SDCCAG8: variants seen among roughly 807,000 people sequenced by gnomAD.
The protein encoded by SDCCAG8 is serologically defined colon cancer antigen 8.
Under a neutral mutation model 101.8 loss-of-function variants are expected in SDCCAG8, and 74 were observed. The ratio of observed to expected loss-of-function variants is 0.73; its 90% confidence interval spans 0.60 to 0.88. The LOEUF is 0.88. Ranked by LOEUF, SDCCAG8 falls within the 40% of genes least tolerant of loss-of-function variation. The pLI is 0.00. For synonymous variants in SDCCAG8, 281 were observed against 292.9 expected, an observed-to-expected ratio of 0.96 and a Z score of 0.41; for missense variants, 787 against 822.6, an observed-to-expected ratio of 0.96 and a Z score of 0.53.
chr1:243,445,709 A>C (rs1409898183), intron 16 of SDCCAG8, among the ~76,000 whole-genome samples: 2 of 152,228 alleles, frequency 1.3e-5, no homozygotes, highest in East Asian at 1.9e-4. Flanking sequence ...CTAAGTGAGG[A>C]CATAAAGACA....
At chr1:243,294,482 G>GGGAGAGAGAGAGAGAGAAAGAGAGA (rs1259035129) in intron 6 of SDCCAG8, among the ~76,000 whole-genome samples, 31 of 99,898 alleles carry the variant, frequency 3.1e-4, no homozygotes, top group East Asian at 5.4e-4. Flanking sequence ...GTGGGGGGGG[G>GGGAGAGAGAGAGAGAGAAAGAGAGA]GAGAGAGAGA....
intron 12 of SDCCAG8, among the ~76,000 whole-genome samples, chr1:243,364,724 T>C (rs1214578950): frequency 2.0e-5 from 3 of 152,054 alleles, no homozygotes; most frequent in Non-Finnish European, 4.4e-5. Flanking sequence ...ACATTTGAGG[T>C]TTTCTTGGTT....
chr1:243,424,505 A>G (rs2081217719), intron 15 of SDCCAG8, among the ~76,000 whole-genome samples: 1 of 152,098 alleles, frequency 6.6e-6, no homozygotes, highest in African/African-American at 2.4e-5. Flanking sequence ...GCATGTCAAA[A>G]TATTTTTCTA....
At chr1:243,256,447 GTT>G (rs570221723) in intron 1 of SDCCAG8, among the ~76,000 whole-genome samples, 46 of 152,350 alleles carry the variant, frequency 3.0e-4, no homozygotes, top group Admixed American at 5.9e-4. Context: ...GATTCCCGTA[GTT>G]ACCTCAATCA....
intron 16 of SDCCAG8, among the ~76,000 whole-genome samples, chr1:243,480,746 T>G (rs1574302841): frequency 1.5e-5 from 1 of 67,710 alleles, no homozygotes; most frequent in Non-Finnish European, 2.7e-5. Flanking sequence ...GGGGGATGGA[T>G]GGATGGGGGA....
chr1:243,422,224 T>C (rs2081060967), intron 15 of SDCCAG8, among the ~76,000 whole-genome samples: 1 of 152,214 alleles, frequency 6.6e-6, no homozygotes, highest in Non-Finnish European at 1.5e-5. Context: ...ATTTGTGATT[T>C]GCGTTTTGTA....
At chr1:243,274,763 T>C (rs1004616887) in intron 4 of SDCCAG8, 107 bp downstream of exon 4, 2 of 679,802 alleles carry the variant, frequency 2.9e-6, no homozygotes, top group African/African-American at 1.8e-5. Flanking sequence ...AGCAATACAT[T>C]GACAATTGCT....
At chr1:243,373,285 G>A (rs2077411357) in intron 12 of SDCCAG8, among the ~76,000 whole-genome samples, 1 of 152,066 alleles carries the variant, frequency 6.6e-6, no homozygotes, top group African/African-American at 2.4e-5. Context: ...TCTTATATGT[G>A]TAAACAGAGA....
intron 4 of SDCCAG8, among the ~76,000 whole-genome samples, chr1:243,285,250 A>G (rs1346357140): frequency 1.3e-5 from 2 of 151,988 alleles, no homozygotes; most frequent in African/African-American, 2.4e-5. Context: ...TAGATTTTCT[A>G]CCTCCTACAG....
chr1:243,369,481 A>G (rs866757224), intron 12 of SDCCAG8, among the ~76,000 whole-genome samples: 1 of 152,130 alleles, frequency 6.6e-6, no homozygotes, highest in Non-Finnish European at 1.5e-5. Context: ...TCTTTCTGTT[A>G]CATGTTGCAA....
At chr1:243,400,186 A>G (rs554016811) in intron 13 of SDCCAG8, among the ~76,000 whole-genome samples, 1 of 152,308 alleles carries the variant, frequency 6.6e-6, no homozygotes, top group Admixed American at 6.5e-5. Flanking sequence ...CAGCGTTTTT[A>G]ATATGTTAGT....
intron 10 of SDCCAG8, 84 bp from the exon 11 acceptor site, chr1:243,340,955 C>G (rs993846180): frequency 7.2e-6 from 10 of 1,392,206 alleles, no homozygotes; most frequent in Non-Finnish European, 1.0e-5. Flanking sequence ...AGTGACTATG[C>G]TGAGACGCTA....
At chr1:243,368,654 A>G (rs1338313415) in intron 12 of SDCCAG8, among the ~76,000 whole-genome samples, 1 of 152,162 alleles carries the variant, frequency 6.6e-6, no homozygotes, top group Non-Finnish European at 1.5e-5. Flanking sequence ...TCTTTCCTAC[A>G]GATACAGTAA....
rs1661986738 is a variant in SDCCAG8, at chr1:243,474,573, C to T, written c.1986-14441C>T. Among the ~76,000 whole-genome samples the T allele has an allele frequency of 6.6e-6, 1 of 152,238 alleles. No homozygotes were observed. The highest frequency in any genetic ancestry group is 1.5e-5 in the Non-Finnish European group (1 of 68,030). ...GACCTGGCCGCCTAGGCCACCCTGC[C>T]CGGCGAGGGAGAGGGGTGTCTCCTG... On this transcript the variant is annotated intron_variant, in intron 16 of 17. Transcript: ENST00000366541. This position sits in a 1 kb window ranked among gnomAD's most constrained non-coding sequence, Gnocchi z 4.7.
chr1:243,408,832 T>A (rs975437390), intron 13 of SDCCAG8, among the ~76,000 whole-genome samples: 5 of 152,224 alleles, frequency 3.3e-5, no homozygotes, highest in African/African-American at 1.2e-4. Flanking sequence ...AAAGAATGCA[T>A]GTAAAGACCT....
At chr1:243,373,873 C>G (rs1485935738) in intron 12 of SDCCAG8, among the ~76,000 whole-genome samples, 1 of 151,988 alleles carries the variant, frequency 6.6e-6, no homozygotes, top group Non-Finnish European at 1.5e-5. Flanking sequence ...CTGCCTCATT[C>G]TTAAATATAA....
At chr1:243,274,985 C>T (rs1234693763) in intron 4 of SDCCAG8, among the ~76,000 whole-genome samples, 1 of 152,172 alleles carries the variant, frequency 6.6e-6, no homozygotes, top group Non-Finnish European at 1.5e-5. Flanking sequence ...ATACAAATAC[C>T]AATCATTCTC....
At chr1:243,268,492 A>C (rs1572861070) in intron 1 of SDCCAG8, among the ~76,000 whole-genome samples, 1 of 152,226 alleles carries the variant, frequency 6.6e-6, no homozygotes, top group African/African-American at 2.4e-5. Flanking sequence ...ATTCATTTCA[A>C]AGAAAGATCT....
At chr1:243,284,506 C>A (rs1357478397) in intron 4 of SDCCAG8, among the ~76,000 whole-genome samples, 1 of 152,164 alleles carries the variant, frequency 6.6e-6, no homozygotes, top group Non-Finnish European at 1.5e-5. Context: ...TTTAGTAAAG[C>A]CTTTGCCTTG....
Sources: allele counts gnomAD v4.1 joint callset (sites outside exome capture counted in the v4.1 genomes callset), GRCh38; gene constraint gnomAD v4.1.1; non-coding constraint Gnocchi (gnomAD v3.1); transcripts MANE v1.5; gene names NCBI Gene and HGNC (gene_info 2026-07-23, HGNC 2026-07-21).